APBA1: variants seen among roughly 807,000 people sequenced by gnomAD.
APBA1 encodes amyloid beta precursor protein binding family A member 1, also known as amyloid-beta A4 precursor protein-binding family A member 1.
In APBA1, 55 loss-of-function variants were observed where a neutral mutation model predicts 86.6. The observed-to-expected ratio is 0.64, with a 90% CI of 0.51 to 0.80. The LOEUF (loss-of-function observed/expected upper bound fraction) is 0.80, where lower values mean the gene tolerates loss of function less well. APBA1 is among the 30% of genes least tolerant of loss of function. APBA1 has a pLI of 0.00. For missense variants in APBA1, 1,090 were observed against 1,183.0 expected, an observed-to-expected ratio of 0.92 and a Z score of 1.15; for synonymous variants, 511 against 493.9, an observed-to-expected ratio of 1.03 and a Z score of -0.46.
intron 1 of APBA1, among the ~76,000 whole-genome samples, chr9:69,554,424 G>T (rs995975513): frequency 6.6e-6 from 1 of 152,124 alleles, no homozygotes; most frequent in Admixed American, 6.6e-5. Flanking sequence ...CAATTAGTAG[G>T]CACCATATAT....
chr9:69,627,658 C>T (rs1367252324), intron 1 of APBA1, among the ~76,000 whole-genome samples: 1 of 152,088 alleles, frequency 6.6e-6, no homozygotes, highest in Non-Finnish European at 1.5e-5. Flanking sequence ...ACTCTAGAAT[C>T]GAACTTTCCC....
chr9:69,471,193 T>G (rs1835361182), intron 4 of APBA1, among the ~76,000 whole-genome samples: 2 of 152,222 alleles, frequency 1.3e-5, no homozygotes, highest in African/African-American at 2.4e-5. Context: ...AGAGTAAGCA[T>G]GCAGTAACTG....
intron 1 of APBA1, among the ~76,000 whole-genome samples, chr9:69,623,503 C>T (rs544510716): frequency 9.2e-5 from 14 of 152,154 alleles, no homozygotes; most frequent in African/African-American, 2.7e-4. Context: ...GGGAAGAAGA[C>T]GATTTAAAGC....
chr9:69,513,725 C>T (rs575651932), intron 2 of APBA1, among the ~76,000 whole-genome samples: 31 of 152,316 alleles, frequency 2.0e-4, no homozygotes, highest in Non-Finnish European at 3.5e-4. Context: ...CTACTGGTTT[C>T]CAACCTTTCC....
intron 1 of APBA1, among the ~76,000 whole-genome samples, chr9:69,566,730 A>C (rs576335546): frequency 2.6e-5 from 4 of 152,124 alleles, no homozygotes; most frequent in African/African-American, 9.6e-5. Flanking sequence ...TCTCCACATG[A>C]ACCCACTGTC....
chr9:69,608,079 A>G (rs28660044), intron 1 of APBA1, among the ~76,000 whole-genome samples: 52 of 152,350 alleles, frequency 3.4e-4, no homozygotes, highest in African/African-American at 1.3e-3. Context: ...TCTGATCACA[A>G]TAGATTATCA....
chr9:69,641,346 T>A (rs1449989623), intron 1 of APBA1, among the ~76,000 whole-genome samples: 1 of 152,116 alleles, frequency 6.6e-6, no homozygotes, highest in East Asian at 1.9e-4. Context: ...GATCCATAGA[T>A]TCAACATAAT....
chr9:69,431,923 G>T (rs987905052), intron 12 of APBA1, among the ~76,000 whole-genome samples: 1 of 145,758 alleles, frequency 6.9e-6, no homozygotes, highest in African/African-American at 2.8e-5. Context: ...ACTGACAGCA[G>T]TGTTGACTGA....
chr9:69,503,611 C>T (rs1329955954), intron 2 of APBA1, among the ~76,000 whole-genome samples: 1 of 152,128 alleles, frequency 6.6e-6, no homozygotes, highest in Non-Finnish European at 1.5e-5. Context: ...ATAACAACTG[C>T]TTTTACTGAG....
chr9:69,498,958 T>G (rs1330618263), intron 2 of APBA1, among the ~76,000 whole-genome samples: 1 of 152,096 alleles, frequency 6.6e-6, no homozygotes, highest in Non-Finnish European at 1.5e-5. Context: ...GTGTAAGAAG[T>G]TTCCCATCCT....
In APBA1 at chr9:69,449,878, G is replaced by C. The variant is rs1446264961; in HGVS notation, c.1969-82C>G. On this transcript the variant is annotated intron_variant, in intron 9 of 12. Coordinates refer to ENST00000265381, the MANE Select transcript of APBA1 (RefSeq NM_001163.4). ...AAATGAAAGCCTCTCCCCCATTCCT[G>C]TCTTGCCTAAAGAAAGACACTTCCC... The C allele has an allele frequency of 4.7e-6, 6 of 1,288,624 alleles. No individual in the cohort carries two copies. In the African/African-American group the frequency reaches 8.9e-5, roughly 19 times the overall value. The allele number at this position is 1,288,624 out of a possible 1,614,324, so 79.8% of individuals were successfully genotyped here.
At chr9:69,566,528 T>C (rs1262666825) in intron 1 of APBA1, among the ~76,000 whole-genome samples, 2 of 152,200 alleles carry the variant, frequency 1.3e-5, no homozygotes, top group African/African-American at 4.8e-5. Context: ...CTCTTACAAA[T>C]ATAAATCTGA....
chr9:69,484,379 G>T (rs1225688680), intron 2 of APBA1, among the ~76,000 whole-genome samples: 1 of 152,138 alleles, frequency 6.6e-6, no homozygotes, highest in African/African-American at 2.4e-5. Flanking sequence ...GCACAAATGA[G>T]CCTGCTGTGG....
chr9:69,528,117 C>T (rs916209177), intron 1 of APBA1, among the ~76,000 whole-genome samples: 1 of 152,102 alleles, frequency 6.6e-6, no homozygotes, highest in Non-Finnish European at 1.5e-5. Flanking sequence ...AAGCCTTCAT[C>T]CTCACAGAGA....
At chr9:69,638,216 C>T (rs1823218553) in intron 1 of APBA1, among the ~76,000 whole-genome samples, 1 of 152,096 alleles carries the variant, frequency 6.6e-6, no homozygotes, top group Non-Finnish European at 1.5e-5. Flanking sequence ...ATGAAATGCT[C>T]AAGTGCATAT....
chr9:69,622,475 G>A (rs1386293149), intron 1 of APBA1, among the ~76,000 whole-genome samples: 2 of 152,018 alleles, frequency 1.3e-5, no homozygotes, highest in African/African-American at 2.4e-5. Flanking sequence ...CCTGGTCTTT[G>A]AAGTCATTCA....
In APBA1 at chr9:69,516,972, C is replaced by A. The variant is rs1446913023; in HGVS notation, c.239G>T (p.Ser80Ile). 6.3e-7 allele frequency: 1 copy of A among 1,590,270 alleles called. No individual in the cohort carries two copies. The highest frequency in any genetic ancestry group is 8.5e-7 in the Non-Finnish European group (1 of 1,175,212). Reference sequence around the variant, plus strand: ...GTGGTTGTGGAAGCCGCTCTCCGTGCTGGCTGAGCGCGCCAGGCATTCCCC... The same window carrying A: ...GTGGTTGTGGAAGCCGCTCTCCGTGATGGCTGAGCGCGCCAGGCATTCCCC... ...ERGECLARSA[S>I]TESGFHNHTD... Residue 80 changes from serine (S) to isoleucine (I), a missense_variant, in exon 2 of 13, where the codon AGC becomes ATC. Physicochemically the swap from Ser to Ile is moderately radical, Grantham distance 142. Coordinates refer to ENST00000265381, the MANE Select transcript of APBA1 (RefSeq NM_001163.4). This position sits in a 1 kb window ranked among gnomAD's most constrained non-coding sequence, Gnocchi z 7.3.
chr9:69,524,703 A>G, intron 1 of APBA1, among the ~76,000 whole-genome samples: 1 of 152,146 alleles, frequency 6.6e-6, no homozygotes, highest in South Asian at 2.1e-4. Context: ...TACAAAAATT[A>G]TGGAGAAGGG....
intron 1 of APBA1, among the ~76,000 whole-genome samples, chr9:69,561,630 ATT>A (rs202003478): frequency 3.6e-4 from 51 of 142,868 alleles, no homozygotes; most frequent in African/African-American, 1.2e-3. Context: ...TATCTACAGG[ATT>A]TTTTTTTTTT....
Sources: gnomAD v4.1 joint callset for allele counts (sites outside exome capture counted in the v4.1 genomes callset) on GRCh38, gnomAD v4.1.1 for gene constraint, Gnocchi (gnomAD v3.1) non-coding constraint, MANE v1.5 for transcripts, NCBI Gene and HGNC (gene_info 2026-07-23, HGNC 2026-07-21) for gene names.